Variants in AFG3L2 observed in about 807,000 individuals in gnomAD.
AFG3L2 encodes mitochondrial inner membrane m-AAA protease component AFG3L2.
A neutral mutation model predicts 94.5 loss-of-function variants in AFG3L2; 54 were observed. The observed-to-expected ratio is 0.57, with a 90% CI of 0.46 to 0.72. AFG3L2 has a LOEUF of 0.72. Ranked by LOEUF, AFG3L2 falls within the 30% of genes least tolerant of loss-of-function variation. The probability of loss-of-function intolerance (pLI) is 0.00; values close to 1 mark genes in which losing one functional copy is unlikely to be tolerated. For synonymous variants in AFG3L2, 377 were observed against 365.5 expected, an observed-to-expected ratio of 1.03 and a Z score of -0.36; for missense variants, 754 against 994.9, an observed-to-expected ratio of 0.76 and a Z score of 3.26.
intron 3 of AFG3L2, among the ~76,000 whole-genome samples, chr18:12,368,100 G>A (rs547168637): frequency 4.5e-4 from 68 of 152,158 alleles, no homozygotes; most frequent in Non-Finnish European, 7.6e-4. Context: ...CTGGGAGGCG[G>A]AAGTTGTGGT....
chr18:12,332,939 A>C (rs993099926), intron 16 of AFG3L2, among the ~76,000 whole-genome samples: 3 of 121,470 alleles, frequency 2.5e-5, no homozygotes, highest in African/African-American at 9.4e-5. Context: ...ATACTATATA[A>C]CATATAATAT....
At chr18:12,348,659 C>CTCG in intron 12 of AFG3L2, among the ~76,000 whole-genome samples, 1 of 152,188 alleles carries the variant, frequency 6.6e-6, no homozygotes, top group African/African-American at 2.4e-5. Context: ...GACAATATAG[C>CTCG]TCACATAATA....
rs202066358 is a variant in AFG3L2 at position 12,330,715 on chromosome 18, T to C, written c.2176-932A>G. Among the ~76,000 whole-genome samples the C allele has an allele frequency of 4.0e-5, 6 of 151,210 alleles. No individual in the cohort carries two copies. The East Asian group carries it at 1.2e-3, about 29-fold the overall frequency. On this transcript the variant is annotated intron_variant, in intron 16 of 16. Transcript: ENST00000269143. ...ATGGCTTGAACCCAGGAGGCAGAGG[T>C]TGCAGTGAGCCGAGATCGCGCCATT...
At chr18:12,374,099 T>C (rs1462134780) in intron 1 of AFG3L2, among the ~76,000 whole-genome samples, 1 of 152,194 alleles carries the variant, frequency 6.6e-6, no homozygotes, top group Non-Finnish European at 1.5e-5. Context: ...TATTTTCAAA[T>C]TGTGTTGACA....
intron 3 of AFG3L2, among the ~76,000 whole-genome samples, chr18:12,368,803 G>C (rs1328160257): frequency 6.6e-6 from 1 of 152,144 alleles, no homozygotes; most frequent in Non-Finnish European, 1.5e-5. Flanking sequence ...GTTTCATCAT[G>C]TTGGCCAGGC....
chr18:12,331,466 T>C (rs1319902682), intron 16 of AFG3L2, among the ~76,000 whole-genome samples: 8 of 152,202 alleles, frequency 5.3e-5, no homozygotes, highest in Non-Finnish European at 1.2e-4. Context: ...AATAAACTTA[T>C]CTGTTAAATT....
chr18:12,366,780 G>A (rs1908820063), intron 5 of AFG3L2, among the ~76,000 whole-genome samples, 185 bp downstream of exon 5: 1 of 152,256 alleles, frequency 6.6e-6, no homozygotes, highest in Admixed American at 6.5e-5. Context: ...GGGTAAATTT[G>A]AGGACACCAG....
At chr18:12,352,662 C>T (rs1301806897) in intron 10 of AFG3L2, among the ~76,000 whole-genome samples, 1 of 152,150 alleles carries the variant, frequency 6.6e-6, no homozygotes, top group Admixed American at 6.6e-5. Context: ...AGCATGTTAA[C>T]ACCGATATTA....
intron 16 of AFG3L2, among the ~76,000 whole-genome samples, chr18:12,334,245 C>G (rs1165069774): frequency 6.6e-6 from 1 of 152,230 alleles, no homozygotes; most frequent in Non-Finnish European, 1.5e-5. Context: ...TACTTCAAAA[C>G]TGTCCAGTGT....
intron 3 of AFG3L2, among the ~76,000 whole-genome samples, chr18:12,369,853 G>C (rs1227652292): frequency 6.6e-6 from 1 of 151,760 alleles, no homozygotes; most frequent in East Asian, 1.9e-4. Flanking sequence ...TCAGGAGATG[G>C]AGACCATCCT....
intron 6 of AFG3L2, among the ~76,000 whole-genome samples, chr18:12,360,886 C>T (rs1245421479): frequency 6.6e-6 from 1 of 152,138 alleles, no homozygotes; most frequent in Non-Finnish European, 1.5e-5. Flanking sequence ...GTCACACTGC[C>T]TTTACACAAC....
chr18:12,334,783 C>T (rs1907690190), intron 16 of AFG3L2, among the ~76,000 whole-genome samples: 1 of 152,154 alleles, frequency 6.6e-6, no homozygotes, highest in South Asian at 2.1e-4. Context: ...ACCACACTCT[C>T]CTGAAATGAT....
In AFG3L2 at chr18:12,351,398, G is replaced by A; in HGVS notation, c.1334C>T (p.Thr445Ile). Residue 445 changes from threonine to isoleucine, a missense_variant, in exon 11 of 17, where the codon ACA (threonine) becomes ATA (isoleucine). Thr to Ile is a moderately conservative substitution (Grantham distance 89). Coordinates refer to ENST00000269143, the MANE Select transcript of AFG3L2 (RefSeq NM_006796.3). ...GGTGCCGGCCAAAATGACGACATTT[G>A]TTGTTGTATTAAAACCTGAAAGATA... ...LVEMDGFNTT[T>I]NVVILAGTNR... 6.2e-7 allele frequency: 1 copy of A among 1,613,952 alleles called. No individual in the cohort carries two copies. The highest frequency in any genetic ancestry group is 8.5e-7 in the Non-Finnish European group (1 of 1,179,858).
chr18:12,354,757 C>A (rs1191576533), intron 9 of AFG3L2, among the ~76,000 whole-genome samples: 2 of 152,128 alleles, frequency 1.3e-5, no homozygotes. Context: ...CTCTGCAACC[C>A]ACCAGGCCCA....
At chr18:12,334,333 A>G (rs1464700129) in intron 16 of AFG3L2, among the ~76,000 whole-genome samples, 1 of 152,176 alleles carries the variant, frequency 6.6e-6, no homozygotes, top group Non-Finnish European at 1.5e-5. Context: ...TCGTGTGAGT[A>G]CAGACACTGA....
intron 12 of AFG3L2, among the ~76,000 whole-genome samples, chr18:12,349,547 A>ATG (rs1470112155): frequency 1.1e-4 from 16 of 152,218 alleles, no homozygotes; most frequent in Non-Finnish European, 7.3e-5. Context: ...CAGCCAAACA[A>ATG]TGGCACATTT....
At chr18:12,337,131 C>T (rs940277474) in intron 16 of AFG3L2, 6 of 621,060 alleles carry the variant, frequency 9.7e-6, no homozygotes, top group African/African-American at 9.2e-5. Context: ...CTAAGAGCCA[C>T]AGGAGCCGGG....
intron 16 of AFG3L2, among the ~76,000 whole-genome samples, chr18:12,334,142 G>A (rs1159698793): frequency 2.0e-5 from 3 of 152,178 alleles, no homozygotes; most frequent in Non-Finnish European, 2.9e-5. Context: ...AGGAGCACAG[G>A]CCCTAGCCCC....
intron 2 of AFG3L2, 125 bp downstream of exon 2, chr18:12,371,467 T>G (rs1241489674): frequency 3.9e-6 from 3 of 773,694 alleles, no homozygotes. Context: ...TGTGTTACAT[T>G]TGAAGATGAC....
Sources: gnomAD v4.1 joint callset for allele counts (sites outside exome capture counted in the v4.1 genomes callset) on GRCh38, gnomAD v4.1.1 for gene constraint, MANE v1.5 for transcripts, NCBI Gene and HGNC (gene_info 2026-07-23, HGNC 2026-07-21) for gene names.